CMKLR1: variants seen among roughly 807,000 people sequenced by gnomAD.
The protein encoded by CMKLR1 is chemerin chemokine-like receptor 1.
Under a neutral mutation model 8.2 loss-of-function variants are expected in CMKLR1, and 6 were observed. The ratio of observed to expected loss-of-function variants is 0.73; its 90% CI spans 0.40 to 1.44. The LOEUF is 1.44. CMKLR1 is among the 40% of genes most tolerant of loss of function. The probability of loss-of-function intolerance (pLI) is 0.02; values close to 1 mark genes in which losing one functional copy is unlikely to be tolerated. For synonymous variants in CMKLR1, 178 were observed against 181.2 expected (o/e 0.98, Z 0.14); for missense variants, 429 against 478.0 (o/e 0.90, Z 0.96).
At chr12:108,325,239 G>A (rs1891955203) in intron 2 of CMKLR1, among the ~76,000 whole-genome samples, 1 of 152,166 alleles carries the variant, frequency 6.6e-6, no homozygotes, top group Non-Finnish European at 1.5e-5. Context: ...AGTCGTTCTG[G>A]AAACTTGTCC....
intron 2 of CMKLR1, among the ~76,000 whole-genome samples, chr12:108,295,564 C>G (rs1159371755): frequency 6.6e-6 from 1 of 152,228 alleles, no homozygotes; most frequent in Non-Finnish European, 1.5e-5. Context: ...CCCCAAGAAG[C>G]CCAGAGGAGG....
At chr12:108,304,597 G>A (rs1468081532) in intron 2 of CMKLR1, among the ~76,000 whole-genome samples, 3 of 152,028 alleles carry the variant, frequency 2.0e-5, no homozygotes, top group African/African-American at 7.2e-5. Flanking sequence ...CCCAGTCTCT[G>A]TGTTTGCCTC....
At chr12:108,303,394 A>G (rs1473179609) in intron 2 of CMKLR1, among the ~76,000 whole-genome samples, 1 of 152,244 alleles carries the variant, frequency 6.6e-6, no homozygotes, top group African/African-American at 2.4e-5. Context: ...TCCAATGGAC[A>G]TTATTGGCTT....
chr12:108,333,153 A>C (rs1397801904), intron 1 of CMKLR1, among the ~76,000 whole-genome samples: 2 of 151,842 alleles, frequency 1.3e-5, no homozygotes, highest in Non-Finnish European at 2.9e-5. Context: ...TTTTGTACCC[A>C]TCTCCCCACC....
At chr12:108,330,969 C>T (rs1892090413) in intron 1 of CMKLR1, among the ~76,000 whole-genome samples, 1 of 152,164 alleles carries the variant, frequency 6.6e-6, no homozygotes, top group African/African-American at 2.4e-5. Context: ...TTAGCATCCA[C>T]ATCCTCAAAA....
At chr12:108,315,135 C>A (rs11113811) in intron 2 of CMKLR1, among the ~76,000 whole-genome samples, 30,782 of 151,632 alleles carry the variant, frequency 0.2, 3,956 homozygotes, top group East Asian at 0.42. Context: ...TGGGGTTTCT[C>A]CATGTTGGTC....
At chr12:108,332,679 T>G (rs1892136904) in intron 1 of CMKLR1, among the ~76,000 whole-genome samples, 1 of 152,190 alleles carries the variant, frequency 6.6e-6, no homozygotes, top group African/African-American at 2.4e-5. Flanking sequence ...CTCAGACTGA[T>G]TCTCCTTGCA....
chr12:108,308,758 T>G (rs1891476348), intron 2 of CMKLR1, among the ~76,000 whole-genome samples: 1 of 152,242 alleles, frequency 6.6e-6, no homozygotes, highest in African/African-American at 2.4e-5. Context: ...GGCTCAGCTC[T>G]GAAGGCCAAA....
At chr12:108,319,985 A>G (rs1469791595) in intron 2 of CMKLR1, among the ~76,000 whole-genome samples, 3 of 152,122 alleles carry the variant, frequency 2.0e-5, no homozygotes, top group Non-Finnish European at 4.4e-5. Flanking sequence ...AAGCCAGGTA[A>G]GAGCAACAGA....
chr12:108,303,841 C>T (rs1891339343), intron 2 of CMKLR1, among the ~76,000 whole-genome samples: 1 of 152,248 alleles, frequency 6.6e-6, no homozygotes, highest in African/African-American at 2.4e-5. Flanking sequence ...ATCTCGGTTA[C>T]AGGAGAAGCC....
intron 2 of CMKLR1, among the ~76,000 whole-genome samples, chr12:108,311,507 T>TC (rs1566023867): frequency 6.6e-6 from 1 of 152,170 alleles, no homozygotes; most frequent in Non-Finnish European, 1.5e-5. Context: ...CACCTTTTAG[T>TC]CCCAGCTACT....
chr12:108,335,923 C>T (rs1026542212), intron 1 of CMKLR1, among the ~76,000 whole-genome samples: 3 of 152,244 alleles, frequency 2.0e-5, no homozygotes, highest in Non-Finnish European at 2.9e-5. Flanking sequence ...TGGGGGATTG[C>T]TAACACGATC....
intron 1 of CMKLR1, among the ~76,000 whole-genome samples, chr12:108,334,353 C>G (rs187221855): frequency 2.8e-4 from 43 of 152,256 alleles, no homozygotes; most frequent in Non-Finnish European, 7.3e-5. Context: ...TTTATTCACA[C>G]AGGAAAGTGC....
intron 2 of CMKLR1, among the ~76,000 whole-genome samples, chr12:108,306,569 C>G (rs2137311084): frequency 6.6e-6 from 1 of 152,308 alleles, no homozygotes; most frequent in African/African-American, 2.4e-5. Flanking sequence ...CCAGGGGCTC[C>G]TAACTGGTTA....
intron 1 of CMKLR1, among the ~76,000 whole-genome samples, chr12:108,336,175 C>T (rs1305838152): frequency 6.6e-6 from 1 of 152,180 alleles, no homozygotes. Context: ...ATCTGAATGA[C>T]CTGGGGTGCT....
At chr12:108,313,872 G>T (rs1891650755) in intron 2 of CMKLR1, among the ~76,000 whole-genome samples, 1 of 152,122 alleles carries the variant, frequency 6.6e-6, no homozygotes, top group Admixed American at 6.5e-5. Flanking sequence ...CCACATTCGT[G>T]TCAGTGTTGG....
At chr12:108,297,512 G>A (rs1015662030) in intron 2 of CMKLR1, among the ~76,000 whole-genome samples, 2 of 152,138 alleles carry the variant, frequency 1.3e-5, no homozygotes, top group Non-Finnish European at 2.9e-5. Flanking sequence ...TACATAATAT[G>A]TACATACATA....
At chr12:108,293,698 T>C in intron 2 of CMKLR1, 34 bp from the exon 3 acceptor site, 2 of 1,211,660 alleles carry the variant, frequency 1.7e-6, no homozygotes, top group Non-Finnish European at 1.2e-6. Flanking sequence ...AAAGCAGCAA[T>C]TGGATCCAGG....
intron 2 of CMKLR1, among the ~76,000 whole-genome samples, chr12:108,319,038 T>C (rs961245590): frequency 6.6e-6 from 1 of 152,128 alleles, no homozygotes; most frequent in Non-Finnish European, 1.5e-5. Flanking sequence ...TCCCTCTTTG[T>C]AGCACTCACA....
Sources: allele counts gnomAD v4.1 joint callset (sites outside exome capture counted in the v4.1 genomes callset), GRCh38; gene constraint gnomAD v4.1.1; transcripts MANE v1.5; gene names NCBI Gene and HGNC (gene_info 2026-07-23, HGNC 2026-07-21).